The following SERGEF variants were observed in gnomAD, a reference collection of about 807,000 sequenced individuals.
SERGEF encodes secretion-regulating guanine nucleotide exchange factor.
In SERGEF, 51 loss-of-function variants were observed where a neutral mutation model predicts 50.0. That is an observed-to-expected ratio of 1.02 (90% CI 0.81 to 1.29). SERGEF has a LOEUF of 1.29. Ranked by LOEUF, SERGEF falls within the 50% of genes most tolerant of loss-of-function variation. The probability of loss-of-function intolerance (pLI) is 0.00; values close to 1 mark genes in which losing one functional copy is unlikely to be tolerated. For synonymous variants in SERGEF, 205 were observed against 212.4 expected, an observed-to-expected ratio of 0.97 and a Z score of 0.30; for missense variants, 521 against 557.0, an observed-to-expected ratio of 0.94 and a Z score of 0.65.
intron 9 of SERGEF, among the ~76,000 whole-genome samples, chr11:17,889,729 G>A (rs1048571968): frequency 1.3e-5 from 2 of 152,126 alleles, no homozygotes; most frequent in East Asian, 1.9e-4. Context: ...AAAAGAGAGA[G>A]GACACAAATG....
intron 10 of SERGEF, among the ~76,000 whole-genome samples, chr11:17,858,678 G>A (rs1206802666): frequency 6.6e-6 from 1 of 152,094 alleles, no homozygotes; most frequent in Non-Finnish European, 1.5e-5. Context: ...TAGAATCTCA[G>A]CAGAAGACCA....
At position 17,988,723 on chromosome 11, in the gene SERGEF, T is replaced by G. The variant is rs1210684686; in HGVS notation, c.718A>C (p.Lys240Gln). 1.9e-6 allele frequency: 3 copies of G among 1,614,116 alleles called. No homozygotes were observed. In the African/African-American group the frequency reaches 4.0e-5, roughly 22 times the overall value. ...AGEVYVWGSN[K>Q]HGQLANEAAF... is the part of the protein sequence containing the mutation. ...GCCTCATTAGCCAGTTGCCCATGCT[T>G]GTTGCTTCCCCAAACATACACCTCT... The change falls in exon 8 of 11, where the codon AAG becomes CAG. Residue 240 changes from lysine to glutamine, a missense_variant. By Grantham distance (53) the Lys-to-Gln change is moderately conservative. Coordinates refer to ENST00000265965, the MANE Select transcript of SERGEF (RefSeq NM_012139.4).
chr11:17,912,914 C>A (rs1452740922), intron 9 of SERGEF, among the ~76,000 whole-genome samples: 1 of 152,182 alleles, frequency 6.6e-6, no homozygotes, highest in Non-Finnish European at 1.5e-5. Context: ...TAAAATGGAG[C>A]AATAACTCTT....
intron 10 of SERGEF, among the ~76,000 whole-genome samples, chr11:17,830,645 G>GGGGAGA (rs1565179387): frequency 1.0e-4 from 2 of 19,390 alleles, no homozygotes; most frequent in East Asian, 6.1e-3. Flanking sequence ...GGAGGGAGAG[G>GGGGAGA]GAGGGAGAGA....
chr11:17,923,775 T>C lies in SERGEF; in HGVS notation c.1011+35695A>G, dbSNP rs191434481. On this transcript the variant is annotated intron_variant, in intron 9 of 10. Transcript: ENST00000265965. ...CCAGCCCTCCCCCAGGATAAGTTAG[T>C]TCCCAGCACTCTGCTGCCATAGCAC... Among the ~76,000 whole-genome samples, 17 of 152,266 alleles carry C rather than the reference T, an allele frequency of 1.1e-4. No homozygotes were observed. In the East Asian group the frequency reaches 2.5e-3, roughly 22 times the overall value.
chr11:17,953,113 G>C (rs1049556511), intron 9 of SERGEF, among the ~76,000 whole-genome samples: 2 of 131,834 alleles, frequency 1.5e-5, no homozygotes, highest in African/African-American at 5.7e-5. Flanking sequence ...CACAGGGATT[G>C]AAAATGCCAG....
intron 8 of SERGEF, among the ~76,000 whole-genome samples, chr11:17,979,678 T>G (rs939130335): frequency 6.6e-6 from 1 of 152,226 alleles, no homozygotes; most frequent in African/African-American, 2.4e-5. Flanking sequence ...TGGACTCAAC[T>G]GATCATACCC....
rs211129 is a variant in SERGEF, at chr11:17,994,918, G to A, written c.622+878C>T. Among the ~76,000 whole-genome samples the A allele has an allele frequency of 7.1e-3, 1,081 of 152,026 alleles. 71 individuals are homozygous for A. The East Asian group carries it at 0.16, about 22-fold the overall frequency. On this transcript the variant is annotated intron_variant, in intron 6 of 10. Transcript: ENST00000265965. ...CACCATCCTCAAAAATCCCTGATTT[G>A]TTCCAGGCAACAGAAGAAGTAGTTA...
At chr11:17,960,996 T>C (rs1170366014) in intron 8 of SERGEF, among the ~76,000 whole-genome samples, 3 of 152,256 alleles carry the variant, frequency 2.0e-5, no homozygotes, top group African/African-American at 4.8e-5. Flanking sequence ...GGCTCCACCG[T>C]TGGAGTCCAG....
intron 10 of SERGEF, among the ~76,000 whole-genome samples, chr11:17,858,414 C>T (rs1850864486): frequency 6.6e-6 from 1 of 152,130 alleles, no homozygotes; most frequent in Admixed American, 6.5e-5. Context: ...CTTCCGGCAT[C>T]CTGCTCCAGA....
intron 9 of SERGEF, among the ~76,000 whole-genome samples, chr11:17,927,247 G>A (rs538562584): frequency 6.6e-6 from 1 of 152,218 alleles, no homozygotes; most frequent in South Asian, 2.1e-4. Flanking sequence ...ACTTCCCCTT[G>A]TCCAGTGTGG....
chr11:17,803,228 G>A (rs954695934), intron 10 of SERGEF, among the ~76,000 whole-genome samples: 2 of 152,376 alleles, frequency 1.3e-5, no homozygotes, highest in East Asian at 3.9e-4. Flanking sequence ...GAGGAAGGGA[G>A]TTATCAGAGC....
chr11:17,942,581 G>C (rs1852582369), intron 9 of SERGEF, among the ~76,000 whole-genome samples: 1 of 152,094 alleles, frequency 6.6e-6, no homozygotes, highest in African/African-American at 2.4e-5. Context: ...CTTCTTTTCT[G>C]ATTTTAAGCC....
At position 17,988,745 on chromosome 11, in the gene SERGEF, C is replaced by T. The variant is rs1853649956; in HGVS notation, c.696G>A (p.Glu232=). ...GCTTGTTGCTTCCCCAAACATACAC[C>T]TCTCCTGCATCTTAAACAAACAGAA... ...DHSASLTDAG[E]VYVWGSNKHG... Residue 232 remains glutamate, a synonymous_variant, in exon 8 of 11, where the codon GAG becomes GAA. Coordinates refer to ENST00000265965, the MANE Select transcript of SERGEF (RefSeq NM_012139.4). 6.2e-7 allele frequency: 1 copy of T among 1,613,866 alleles called. No homozygotes were observed. Among genetic ancestry groups the T allele is most frequent in the African/African-American group, 1.3e-5 (1 of 75,010 alleles).
At chr11:17,980,489 T>C (rs1023685827) in intron 8 of SERGEF, among the ~76,000 whole-genome samples, 3 of 152,248 alleles carry the variant, frequency 2.0e-5, no homozygotes, top group African/African-American at 7.2e-5. Flanking sequence ...ATAGGAGCTA[T>C]AATCAAATTG....
At chr11:17,878,294 A>G (rs1247079391) in intron 9 of SERGEF, 50 bp from the exon 10 acceptor site, 9 of 1,390,488 alleles carry the variant, frequency 6.5e-6, no homozygotes, top group Non-Finnish European at 9.0e-6. Flanking sequence ...TTCAGCCAGT[A>G]TATTTTATAA....
chr11:17,850,566 C>T (rs186100923), intron 10 of SERGEF, among the ~76,000 whole-genome samples: 221 of 152,284 alleles, frequency 1.5e-3, no homozygotes, highest in African/African-American at 4.7e-3. Flanking sequence ...AATTTAATTA[C>T]GCTCACTAGA....
chr11:17,801,194 CA>C (rs145154751), intron 10 of SERGEF, among the ~76,000 whole-genome samples: 24 of 131,982 alleles, frequency 1.8e-4, no homozygotes, highest in Non-Finnish European at 1.7e-4. Flanking sequence ...GACTCCGTCT[CA>C]AAAAAAAAAA....
chr11:17,923,758 C>T (rs1852201526), intron 9 of SERGEF, among the ~76,000 whole-genome samples: 1 of 152,174 alleles, frequency 6.6e-6, no homozygotes, highest in African/African-American at 2.4e-5. Context: ...CTCCAGCCCT[C>T]CCCCAGGATA....
Sources: allele counts gnomAD v4.1 joint callset (sites outside exome capture counted in the v4.1 genomes callset), GRCh38; gene constraint gnomAD v4.1.1; transcripts MANE v1.5; gene names NCBI Gene and HGNC (gene_info 2026-07-23, HGNC 2026-07-21).